Variants in TMEM63C observed in about 807,000 individuals in gnomAD.
TMEM63C encodes transmembrane protein 63C.
In TMEM63C, 32 loss-of-function variants were observed where a neutral mutation model predicts 99.2. That is an observed-to-expected ratio of 0.32 (90% CI 0.24 to 0.43). The LOEUF (loss-of-function observed/expected upper bound fraction) is 0.43, where lower values mean the gene tolerates loss of function less well. TMEM63C is among the 20% of genes least tolerant of loss of function. TMEM63C has a pLI of 1.00. For missense variants in TMEM63C, 826 were observed against 1,053.0 expected, an observed-to-expected ratio of 0.78 and a Z score of 2.98; for synonymous variants, 376 against 397.9, an observed-to-expected ratio of 0.94 and a Z score of 0.66.
chr14:77,192,960 A>G (rs1888136049), intron 1 of TMEM63C, among the ~76,000 whole-genome samples: 1 of 152,256 alleles, frequency 6.6e-6, no homozygotes, highest in Non-Finnish European at 1.5e-5. Flanking sequence ...CATGATTCTC[A>G]AATGGGAAAG....
chr14:77,187,235 G>C (rs980207493), intron 1 of TMEM63C, among the ~76,000 whole-genome samples: 1 of 152,200 alleles, frequency 6.6e-6, no homozygotes, highest in Non-Finnish European at 1.5e-5. Context: ...CCCAAGCACA[G>C]CTGACACATC....
Position 77,218,932 on chromosome 14 carries a change from C to A in TMEM63C, c.119C>A (p.Thr40Asn), listed in dbSNP as rs1362964186. 6.2e-7 allele frequency: 1 copy of A among 1,604,702 alleles called. No homozygotes were observed. The highest frequency in any genetic ancestry group is 1.1e-5 in the South Asian group (1 of 89,352). ...LQGQPFGGVP[T>N]VLCLNIALWV... The stretch of plus-strand genomic sequence containing the variant: ...GGGCAGCCCTTTGGGGGTGTCCCCA[C>A]CGTGCTGTGCCTCAACATCGCCCTG... Residue 40 changes from threonine (T) to asparagine (N), a missense_variant, in exon 3 of 24, where the codon ACC becomes AAC. Transcript: ENST00000298351.
chr14:77,206,467 G>A (rs1463715304), intron 1 of TMEM63C, among the ~76,000 whole-genome samples: 2 of 152,256 alleles, frequency 1.3e-5, no homozygotes, highest in Non-Finnish European at 2.9e-5. Flanking sequence ...CTTTGGCTTC[G>A]ATGATGCACC....
rs151159835 is a variant in TMEM63C, at chr14:77,237,295, G to A, written c.651+563G>A. ...GGCCCTGCCCACCCCTGCTAGGCCC[G>A]TGCCTCGCCCTTCTGCAGTCTCTCG... On this transcript the variant is annotated intron_variant, in intron 9 of 23. Coordinates refer to ENST00000298351, the MANE Select transcript of TMEM63C (RefSeq NM_020431.4). Among the ~76,000 whole-genome samples, 140 of 152,156 alleles carry A rather than the reference G, an allele frequency of 9.2e-4. 1 individual carries two copies. Among genetic ancestry groups the A allele is most frequent in the African/African-American group, 3.2e-3 (134 of 41,518 alleles).
Position 77,215,614 on chromosome 14 carries a change from A to AAAAAAAAAAAAG in TMEM63C, c.-14+2110_-14+2111insAAAAAAAGAAAA, listed in dbSNP as rs772701077. 1.3e-3 allele frequency among the ~76,000 whole-genome samples: 96 copies of AAAAAAAAAAAAG among 76,550 alleles called. 2 individuals are homozygous for AAAAAAAAAAAAG. Among genetic ancestry groups the AAAAAAAAAAAAG allele is most frequent in the African/African-American group, 5.0e-3 (90 of 17,850 alleles). 50.2% of individuals were successfully genotyped at this position (76,550 alleles called of 152,430 possible). Reference sequence around the variant, plus strand: ...AGACTCTGTCTCAAAAAAAAAAAAAAAAAAGAAAAGAAAAGAAAAAGAAAC... The same window carrying AAAAAAAAAAAAG: ...AGACTCTGTCTCAAAAAAAAAAAAAAAAAAAAAAAAAGAAAAGAAAAGAAAAGAAAAAGAAAC... On this transcript the variant is annotated intron_variant, in intron 2 of 23. Coordinates refer to ENST00000298351, the MANE Select transcript of TMEM63C (RefSeq NM_020431.4).
intron 2 of TMEM63C, among the ~76,000 whole-genome samples, chr14:77,218,240 A>T (rs4998517): frequency 5.3e-4 from 74 of 138,484 alleles, no homozygotes; most frequent in African/African-American, 1.8e-3. Flanking sequence ...TAAAAAAAAA[A>T]GAGGGGGGTG....
At chr14:77,185,048 C>T (rs886851975) in intron 1 of TMEM63C, among the ~76,000 whole-genome samples, 5 of 152,168 alleles carry the variant, frequency 3.3e-5, no homozygotes, top group Admixed American at 6.5e-5. Context: ...GGGGAAGGGG[C>T]GCCTCATTGT....
chr14:77,182,761 T>A (rs183156629), intron 1 of TMEM63C, among the ~76,000 whole-genome samples: 3 of 152,118 alleles, frequency 2.0e-5, no homozygotes, highest in East Asian at 3.9e-4. Flanking sequence ...CAGGAGAAAA[T>A]TGCTCATGAA....
chr14:77,249,737 G>C (rs1418061484), intron 21 of TMEM63C, among the ~76,000 whole-genome samples: 1 of 152,226 alleles, frequency 6.6e-6, no homozygotes, highest in Non-Finnish European at 1.5e-5. Context: ...TTCTTTCTAA[G>C]TCTAGACGGG....
At chr14:77,215,882 C>T (rs974966946) in intron 2 of TMEM63C, among the ~76,000 whole-genome samples, 5 of 152,164 alleles carry the variant, frequency 3.3e-5, no homozygotes, top group South Asian at 2.1e-4. Context: ...TTATTTTTCC[C>T]GTCTTAACCA....
chr14:77,245,929 T>C lies in TMEM63C; in HGVS notation c.1449-11T>C. 6 of 1,609,598 alleles carry C rather than the reference T, an allele frequency of 3.7e-6. No homozygotes were observed. The highest frequency in any genetic ancestry group is 2.6e-6 in the Non-Finnish European group (3 of 1,175,900). On this transcript the variant is annotated splice_polypyrimidine_tract_variant and intron_variant, in intron 16 of 23. Coordinates refer to ENST00000298351, the MANE Select transcript of TMEM63C (RefSeq NM_020431.4). ...ACGTCCATTGATGAATATCTCTCTGTTTCCTTCTAGATCAAGTCAGAATCT... is the reference window on the plus strand; with the variant it reads ...ACGTCCATTGATGAATATCTCTCTGCTTCCTTCTAGATCAAGTCAGAATCT...
chr14:77,254,703 A>G (rs756071385), intron 23 of TMEM63C, among the ~76,000 whole-genome samples: 1 of 152,232 alleles, frequency 6.6e-6, no homozygotes, highest in Non-Finnish European at 1.5e-5. Context: ...AGGTCGAACC[A>G]GGTCCATCTG....
At chr14:77,191,161 G>A (rs565355608) in intron 1 of TMEM63C, among the ~76,000 whole-genome samples, 16 of 152,282 alleles carry the variant, frequency 1.1e-4, no homozygotes, top group African/African-American at 3.1e-4. Context: ...TCTAACCAGA[G>A]GTGGCAGGAG....
Position 77,234,184 on chromosome 14 carries a change from C to A in TMEM63C, c.542+684C>A, listed in dbSNP as rs142196515. On this transcript the variant is annotated intron_variant, in intron 8 of 23. Coordinates refer to ENST00000298351, the MANE Select transcript of TMEM63C (RefSeq NM_020431.4). ...CTAGGCCAGCTTGGCTGATTCCTGACAAAGCTGCAGAAGCAGCTCCAGCAA... is the reference window on the plus strand; with the variant it reads ...CTAGGCCAGCTTGGCTGATTCCTGAAAAAGCTGCAGAAGCAGCTCCAGCAA... 2.3e-3 allele frequency among the ~76,000 whole-genome samples: 355 copies of A among 152,322 alleles called. 1 individual carries two copies. Among genetic ancestry groups the A allele is most frequent in the Middle Eastern group, 0.014 (4 of 294 alleles).
At position 77,219,543 on chromosome 14, in the gene TMEM63C, T is replaced by C. The variant is rs375439138; in HGVS notation, c.196T>C (p.Tyr66His). The C allele has an allele frequency of 5.6e-6, 9 of 1,613,980 alleles. No homozygotes were observed. Among genetic ancestry groups the C allele is most frequent in the Non-Finnish European group, 7.6e-6 (9 of 1,179,888 alleles). ...YSFLRKAAWD[Y>H]GRLALLIHND... ...CTTCCTCCGGAAAGCTGCGTGGGACTATGGGCGCCTGGCTCTGCTGATACA... is the reference window on the plus strand; with the variant it reads ...CTTCCTCCGGAAAGCTGCGTGGGACCATGGGCGCCTGGCTCTGCTGATACA... The change falls in exon 4 of 24, where the codon TAT (tyrosine) becomes CAT (histidine). Residue 66 changes from tyrosine to histidine, a missense_variant. Physicochemically the swap from Tyr to His is moderately conservative, Grantham distance 83 (BLOSUM62 2). Transcript: ENST00000298351.
chr14:77,239,646 A>G lies in TMEM63C; in HGVS notation c.850A>G (p.Lys284Glu). The G allele has an allele frequency of 6.2e-7, 1 of 1,613,402 alleles. No homozygotes were observed. The highest frequency in any genetic ancestry group is 8.5e-7 in the Non-Finnish European group (1 of 1,179,720). The change falls in exon 12 of 24, where the codon AAG (lysine) becomes GAG (glutamate). Residue 284 changes from lysine (K) to glutamate (E), a missense_variant. Coordinates refer to ENST00000298351, the MANE Select transcript of TMEM63C (RefSeq NM_020431.4). Reference protein sequence around the residue: ...RGRLFYTAKAKKTGKVMIRIH... With the variant: ...RGRLFYTAKAEKTGKVMIRIH... ...CCGGCTTTTCTATACAGCCAAGGCC[A>G]AGAAGACTGGGAAGGTGATGATCAG...
At position 77,247,458 on chromosome 14, in the gene TMEM63C, C is replaced by A. The variant is rs184629804; in HGVS notation, c.1601+784C>A. On this transcript the variant is annotated intron_variant, in intron 18 of 23. Transcript: ENST00000298351. ...TCAAGTGATCTGCCCACCTCAGCCT[C>A]CTAAAATGCTGGGATTACAGGCTTG... Among the ~76,000 whole-genome samples, 778 of 152,202 alleles carry A rather than the reference C, an allele frequency of 5.1e-3. 4 individuals are homozygous for A. The highest frequency in any genetic ancestry group is 8.5e-3 in the Admixed American group (130 of 15,284).
At position 77,244,463 on chromosome 14, in the gene TMEM63C, GGGGGCCTCCTCTCGTAGCCCT is replaced by G. The variant is rs751538222; in HGVS notation, c.1448+10_1448+30del. 1.2e-6 allele frequency: 2 copies of G among 1,608,678 alleles called. No individual in the cohort carries two copies. Among genetic ancestry groups the G allele is most frequent in the South Asian group, 1.1e-5 (1 of 90,968 alleles). Reference sequence around the variant, plus strand: ...CGAGGCCCACTGGACCAGGTGACCTGGGGGCCTCCTCTCGTAGCCCTGTGGTTTCTCCAGCCTCTTCCCCTG... The same window carrying G: ...CGAGGCCCACTGGACCAGGTGACCTGGTGGTTTCTCCAGCCTCTTCCCCTG... On this transcript the variant is annotated intron_variant, in intron 16 of 23. Coordinates refer to ENST00000298351, the MANE Select transcript of TMEM63C (RefSeq NM_020431.4).
intron 6 of TMEM63C, among the ~76,000 whole-genome samples, chr14:77,230,887 T>A (rs1352871978): frequency 6.6e-6 from 1 of 152,232 alleles, no homozygotes; most frequent in Non-Finnish European, 1.5e-5. Context: ...TTGTTTCCAG[T>A]TTGAGGACGT....
Sources: allele counts gnomAD v4.1 joint callset (sites outside exome capture counted in the v4.1 genomes callset), GRCh38; gene constraint gnomAD v4.1.1; transcripts MANE v1.5; gene names NCBI Gene and HGNC (gene_info 2026-07-23, HGNC 2026-07-21).